The following SLC36A1 variants were observed in gnomAD, a reference collection of about 807,000 sequenced individuals.
The protein encoded by SLC36A1 is proton-coupled amino acid transporter 1.
SLC36A1 carries 30 observed loss-of-function variants against 47.5 expected under a neutral mutation model. The ratio of observed to expected loss-of-function variants is 0.63; its 90% CI spans 0.47 to 0.86. The LOEUF is 0.86. SLC36A1 is among the 40% of genes least tolerant of loss of function. The pLI, the probability that SLC36A1 is intolerant of heterozygous loss-of-function variation, is 0.00. For missense variants in SLC36A1, 517 were observed against 606.0 expected, an observed-to-expected ratio of 0.85 and a Z score of 1.54; for synonymous variants, 255 against 249.7, an observed-to-expected ratio of 1.02 and a Z score of -0.20.
the SLC36A1 span, among the ~76,000 whole-genome samples, chr5:151,352,778 C>G: frequency 6.6e-6 from 1 of 152,190 alleles, no homozygotes; most frequent in East Asian, 1.9e-4. Context: ...TATCTCTTGT[C>G]TGTAGTCAAA....
chr5:151,519,977 C>T, the SLC36A1 span, among the ~76,000 whole-genome samples: 1 of 152,194 alleles, frequency 6.6e-6, no homozygotes, highest in African/African-American at 2.4e-5. Flanking sequence ...AATTTTAGAA[C>T]CCCTGCTGTC....
Position 151,490,864 on chromosome 5 carries a change from CA to C in SLC36A1, c.*2611del, listed in dbSNP as rs1760053047. Reference sequence around the variant, plus strand: ...TCCTCTTATGCAAGCAGCTCGCAGCCAGCCCAGAATCTCTTATGCAGCCCAA... The same window carrying C: ...TCCTCTTATGCAAGCAGCTCGCAGCCGCCCAGAATCTCTTATGCAGCCCAA... On this transcript the variant is annotated 3_prime_UTR_variant, in exon 11 of 11. Coordinates refer to ENST00000243389, the MANE Select transcript of SLC36A1 (RefSeq NM_078483.4). The C allele has an allele frequency of 6.6e-6, 1 of 152,396 alleles. No individual in the cohort carries two copies. The highest frequency in any genetic ancestry group is 2.4e-5 in the African/African-American group (1 of 41,438). The allele number at this position is 152,396 out of a possible 1,614,324, so 9.4% of individuals were successfully genotyped here. A position where few individuals can be genotyped will look rare whatever the true frequency, so the allele number is the denominator to read the frequency against.
At chr5:151,400,168 C>T in the SLC36A1 span, among the ~76,000 whole-genome samples, 1 of 152,142 alleles carries the variant, frequency 6.6e-6, no homozygotes, top group South Asian at 2.1e-4. Context: ...CTTCCTCCCC[C>T]GTCTAGTAGT....
chr5:151,361,939 C>T, the SLC36A1 span, among the ~76,000 whole-genome samples: 1 of 152,062 alleles, frequency 6.6e-6, no homozygotes, highest in African/African-American at 2.4e-5. Context: ...AAGTCTGTTG[C>T]AAGATGAACT....
the SLC36A1 span, chr5:151,507,737 A>C: frequency 1.8e-5 from 15 of 826,354 alleles, no homozygotes; most frequent in Middle Eastern, 3.7e-4. Context: ...TTCACCCCCC[A>C]AAAAAGTAAC....
chr5:151,377,696 G>T, the SLC36A1 span, among the ~76,000 whole-genome samples: 1 of 152,152 alleles, frequency 6.6e-6, no homozygotes, highest in East Asian at 1.9e-4. Flanking sequence ...AAATTTGGGT[G>T]CTCCAGTGTT....
chr5:151,388,484 A>G, the SLC36A1 span, among the ~76,000 whole-genome samples: 3 of 147,540 alleles, frequency 2.0e-5, no homozygotes, highest in Admixed American at 6.7e-5. Flanking sequence ...CTGGGCAACA[A>G]GAGTAAAACT....
At chr5:151,396,933 C>G in the SLC36A1 span, among the ~76,000 whole-genome samples, 18 of 152,196 alleles carry the variant, frequency 1.2e-4, no homozygotes, top group Admixed American at 2.6e-4. Flanking sequence ...AGAAGTCACA[C>G]TCTTAAGTAT....
the SLC36A1 span, among the ~76,000 whole-genome samples, chr5:151,538,629 T>C: frequency 3.9e-5 from 6 of 152,200 alleles, no homozygotes; most frequent in African/African-American, 1.4e-4. Context: ...CTGTTGAGTG[T>C]GGGCAAGCAT....
intron 1 of SLC36A1, among the ~76,000 whole-genome samples, chr5:151,440,019 A>G (rs1219926200): frequency 6.6e-6 from 1 of 152,242 alleles, no homozygotes. Flanking sequence ...TGAAATCATA[A>G]TGCTGATGAA....
chr5:151,439,508 C>T (rs1752497303), intron 1 of SLC36A1, among the ~76,000 whole-genome samples: 1 of 151,786 alleles, frequency 6.6e-6, no homozygotes, highest in African/African-American at 2.4e-5. Context: ...CAAAAATTTG[C>T]CAGGCGTGGT....
intron 4 of SLC36A1, among the ~76,000 whole-genome samples, chr5:151,464,826 A>T (rs1756100723): frequency 6.6e-6 from 1 of 152,170 alleles, no homozygotes; most frequent in Non-Finnish European, 1.5e-5. Flanking sequence ...CTACATTCTA[A>T]TTTCATGGGC....
At chr5:151,529,390 T>A in the SLC36A1 span, 2 of 1,613,436 alleles carry the variant, frequency 1.2e-6, no homozygotes, top group Non-Finnish European at 1.7e-6. Flanking sequence ...ACATACAGGA[T>A]CCCTGAAGAA....
the SLC36A1 span, chr5:151,512,227 C>T: frequency 6.2e-7 from 1 of 1,614,210 alleles, no homozygotes; most frequent in Non-Finnish European, 8.5e-7. This position sits in a 1 kb window ranked among gnomAD's most constrained non-coding sequence, Gnocchi z 4.1. Context: ...GCAGTAGTCA[C>T]TGTGGAGGCA....
the SLC36A1 span, among the ~76,000 whole-genome samples, chr5:151,523,900 G>C: frequency 0.26 from 39,939 of 151,964 alleles, 5,528 homozygotes; most frequent in African/African-American, 0.33. Context: ...CACTACCACC[G>C]AAGTCTTCAT....
In SLC36A1 at chr5:151,491,511, C is replaced by G. The variant is rs1760116078; in HGVS notation, c.*3257C>G. On this transcript the variant is annotated 3_prime_UTR_variant, in exon 11 of 11. Coordinates refer to ENST00000243389, the MANE Select transcript of SLC36A1 (RefSeq NM_078483.4). ...AAAAATCATGTTTCTTCTCTCTCATCTTACTTTTTCTTCTCAGATTTCTCC... is the reference window on the plus strand; with the variant it reads ...AAAAATCATGTTTCTTCTCTCTCATGTTACTTTTTCTTCTCAGATTTCTCC... 1 of 107,038 alleles carries G rather than the reference C, an allele frequency of 9.3e-6. No homozygotes were observed. Among genetic ancestry groups the G allele is most frequent in the Non-Finnish European group, 1.7e-5 (1 of 57,534 alleles). The allele number at this position is 107,038 out of a possible 1,614,324, so 6.6% of individuals were successfully genotyped here.
At chr5:151,405,343 C>T in the SLC36A1 span, among the ~76,000 whole-genome samples, 94 of 85,272 alleles carry the variant, frequency 1.1e-3, no homozygotes, top group African/African-American at 4.4e-3. Flanking sequence ...CTCTCTTTCT[C>T]TTTTTTTTTT....
At chr5:151,474,276 G>A (rs1338297059) in intron 8 of SLC36A1, among the ~76,000 whole-genome samples, 2 of 150,696 alleles carry the variant, frequency 1.3e-5, no homozygotes, top group East Asian at 4.0e-4. Context: ...CAAATTATAT[G>A]TAATTTTAAA....
At chr5:151,355,330 G>C in the SLC36A1 span, among the ~76,000 whole-genome samples, 1 of 151,846 alleles carries the variant, frequency 6.6e-6, no homozygotes, top group African/African-American at 2.4e-5. Flanking sequence ...AACTGCAGGG[G>C]AAAGGGGAAA....
Sources: allele counts gnomAD v4.1 joint callset (sites outside exome capture counted in the v4.1 genomes callset), GRCh38; gene constraint gnomAD v4.1.1; non-coding constraint Gnocchi (gnomAD v3.1); transcripts MANE v1.5; gene names NCBI Gene and HGNC (gene_info 2026-07-23, HGNC 2026-07-21).